The following GPBP1 variants were observed in gnomAD, a reference collection of about 807,000 sequenced individuals.
GPBP1 encodes the protein vasculin.
In GPBP1, 13 loss-of-function variants were observed where a neutral mutation model predicts 56.5. The observed-to-expected ratio is 0.23, with a 90% CI of 0.15 to 0.37. GPBP1 has a LOEUF of 0.37. Among genes scored for constraint, GPBP1 ranks in the 10% least tolerant of loss-of-function variants. The probability of loss-of-function intolerance (pLI) is 1.00; values close to 1 mark genes in which losing one functional copy is unlikely to be tolerated. For synonymous variants in GPBP1, 204 were observed against 188.9 expected (o/e 1.08, Z -0.66); for missense variants, 477 against 572.3 (o/e 0.83, Z 1.70).
At chr5:57,187,038 G>GTGTA (rs1554058472) in intron 2 of GPBP1, among the ~76,000 whole-genome samples, 1 of 144,046 alleles carries the variant, frequency 6.9e-6, no homozygotes, top group African/African-American at 2.6e-5. Context: ...GTGTGTGTGT[G>GTGTA]TATGTATGTT....
chr5:57,186,385 C>T (rs1449483159), intron 2 of GPBP1, among the ~76,000 whole-genome samples: 1 of 128,886 alleles, frequency 7.8e-6, no homozygotes, highest in Non-Finnish European at 1.7e-5. Flanking sequence ...GACCTTGCCT[C>T]TTTAAAAAAA....
intron 2 of GPBP1, among the ~76,000 whole-genome samples, chr5:57,181,393 A>G (rs1290236455): frequency 6.6e-6 from 1 of 151,344 alleles, no homozygotes; most frequent in East Asian, 1.9e-4. Flanking sequence ...TGGCGCTGCG[A>G]TCGCGACACT....
At chr5:57,186,750 G>A (rs1026462141) in intron 2 of GPBP1, among the ~76,000 whole-genome samples, 2 of 152,082 alleles carry the variant, frequency 1.3e-5, no homozygotes, top group African/African-American at 4.8e-5. Flanking sequence ...AAATTTTTTT[G>A]TGTGGAAACA....
chr5:57,203,180 CT>C (rs542037864), intron 2 of GPBP1, among the ~76,000 whole-genome samples: 6 of 151,968 alleles, frequency 3.9e-5, no homozygotes, highest in Non-Finnish European at 8.8e-5. Context: ...GAATATAATG[CT>C]TTTTTAACCT....
intron 6 of GPBP1, among the ~76,000 whole-genome samples, chr5:57,244,452 T>G (rs1483922241): frequency 1.3e-5 from 2 of 152,222 alleles, no homozygotes; most frequent in African/African-American, 4.8e-5. Flanking sequence ...TACTTAGTTG[T>G]AGTATAGTGA....
At chr5:57,238,300 C>T (rs994378522) in intron 6 of GPBP1, among the ~76,000 whole-genome samples, 2 of 152,176 alleles carry the variant, frequency 1.3e-5, no homozygotes, top group African/African-American at 4.8e-5. Context: ...GGCATGGTGG[C>T]TCATGCCTGT....
At chr5:57,250,604 A>G (rs1023034908) in intron 9 of GPBP1, among the ~76,000 whole-genome samples, 2 of 146,860 alleles carry the variant, frequency 1.4e-5, no homozygotes, top group Admixed American at 1.4e-4. Flanking sequence ...GTACAATGGC[A>G]TGATCTTGGC....
chr5:57,189,127 AT>A (rs1175375210), intron 2 of GPBP1, among the ~76,000 whole-genome samples: 5 of 149,326 alleles, frequency 3.3e-5, no homozygotes, highest in Non-Finnish European at 3.0e-5. Flanking sequence ...TACCCGGCTA[AT>A]TTTTTTTTTG....
At chr5:57,194,030 G>A (rs559386567) in intron 2 of GPBP1, among the ~76,000 whole-genome samples, 266 of 152,236 alleles carry the variant, frequency 1.7e-3, no homozygotes, top group African/African-American at 6.1e-3. Flanking sequence ...TCTAATACAA[G>A]TAGTAGCATC....
At chr5:57,247,986 T>C (rs1056608265) in intron 8 of GPBP1, among the ~76,000 whole-genome samples, 1 of 152,122 alleles carries the variant, frequency 6.6e-6, no homozygotes, top group Non-Finnish European at 1.5e-5. Context: ...CAAGTGATCC[T>C]CTCTCCTCAG....
chr5:57,242,725 T>A (rs1740887989), intron 6 of GPBP1, among the ~76,000 whole-genome samples: 1 of 152,086 alleles, frequency 6.6e-6, no homozygotes. Context: ...GAATTACAGG[T>A]TTGAGCCACC....
chr5:57,180,596 T>C (rs1181636335), intron 2 of GPBP1, among the ~76,000 whole-genome samples: 1 of 152,174 alleles, frequency 6.6e-6, no homozygotes, highest in Non-Finnish European at 1.5e-5. Flanking sequence ...GGGAACTTGG[T>C]TTAGGATATG....
At chr5:57,175,217 T>C (rs1753746887) in intron 1 of GPBP1, among the ~76,000 whole-genome samples, 1 of 152,180 alleles carries the variant, frequency 6.6e-6, no homozygotes, top group Non-Finnish European at 1.5e-5. Context: ...AATCTGCCCT[T>C]GCCCTCCATA....
At chr5:57,216,316 A>C (rs1354914990) in intron 3 of GPBP1, among the ~76,000 whole-genome samples, 3 of 152,212 alleles carry the variant, frequency 2.0e-5, no homozygotes, top group African/African-American at 7.2e-5. Flanking sequence ...CTTCTTGATT[A>C]CAGCTGCCCA....
intron 1 of GPBP1, among the ~76,000 whole-genome samples, chr5:57,174,866 T>C (rs1048716265): frequency 3.3e-5 from 5 of 152,224 alleles, no homozygotes; most frequent in African/African-American, 4.8e-5. Flanking sequence ...TCTAGCCCTT[T>C]GCTCCCTCAG....
At position 57,211,576 on chromosome 5, in the gene GPBP1, T is replaced by TTTGTTG. The variant is rs71287163; in HGVS notation, c.-57-2476_-57-2471dup. Among the ~76,000 whole-genome samples, 757 of 150,954 alleles carry TTTGTTG rather than the reference T, an allele frequency of 5.0e-3. 6 individuals carry two copies. Among genetic ancestry groups the TTTGTTG allele is most frequent in the East Asian group, 0.019 (97 of 5,142 alleles). ...ATTTTAGTGGTTTGCCTCCGGGGAT[T>TTTGTTG]TTGTTGTTGTTGTTGTTGTTGTTGT... On this transcript the variant is annotated intron_variant, in intron 2 of 11. Transcript: ENST00000506184.
At chr5:57,185,177 G>A (rs150141169) in intron 2 of GPBP1, among the ~76,000 whole-genome samples, 65 of 151,782 alleles carry the variant, frequency 4.3e-4, no homozygotes, top group Non-Finnish European at 7.2e-4. Context: ...TGAATTGTGT[G>A]CCTTCCCACC....
intron 2 of GPBP1, among the ~76,000 whole-genome samples, chr5:57,181,049 G>T (rs1276543381): frequency 6.6e-6 from 1 of 152,198 alleles, no homozygotes; most frequent in Non-Finnish European, 1.5e-5. Context: ...AAGAATTAAA[G>T]GGGGCCAGGT....
intron 3 of GPBP1, among the ~76,000 whole-genome samples, chr5:57,223,926 T>C (rs972631626): frequency 6.6e-6 from 1 of 151,664 alleles, no homozygotes. Flanking sequence ...CTCTGCCTCC[T>C]GGGTTCATGC....
Sources: gnomAD v4.1 joint callset for allele counts (sites outside exome capture counted in the v4.1 genomes callset) on GRCh38, gnomAD v4.1.1 for gene constraint, MANE v1.5 for transcripts, NCBI Gene and HGNC (gene_info 2026-07-23, HGNC 2026-07-21) for gene names.